KLF7: variants seen among roughly 807,000 people sequenced by gnomAD.
KLF7 encodes the protein KLF transcription factor 7, also known as Krueppel-like factor 7.
In KLF7, 2 loss-of-function variants were observed where a neutral mutation model predicts 27.3. The observed-to-expected ratio is 0.07, with a 90% CI of 0.03 to 0.23. The LOEUF (loss-of-function observed/expected upper bound fraction) is 0.23, where lower values mean the gene tolerates loss of function less well. Among genes scored for constraint, KLF7 ranks in the 10% least tolerant of loss-of-function variants. The pLI, the probability that KLF7 is intolerant of heterozygous loss-of-function variation, is 1.00. For synonymous variants in KLF7, 165 were observed against 162.4 expected, an observed-to-expected ratio of 1.02 and a Z score of -0.12; for missense variants, 221 against 394.1, an observed-to-expected ratio of 0.56 and a Z score of 3.72.
chr2:207,150,103 C>A (rs1401991117), intron 1 of KLF7, among the ~76,000 whole-genome samples: 1 of 152,170 alleles, frequency 6.6e-6, no homozygotes, highest in Non-Finnish European at 1.5e-5. Context: ...CACCCTCCCC[C>A]ACAACCACAC....
At chr2:207,134,013 T>C (rs2077711014) in intron 1 of KLF7, 2 of 1,421,584 alleles carry the variant, frequency 1.4e-6, no homozygotes, top group African/African-American at 1.4e-5. Context: ...CCTGTTAACT[T>C]TGCACACACA....
At position 207,148,480 on chromosome 2, in the gene KLF7, T is replaced by G. The variant is rs576061383; in HGVS notation, c.102+16987A>C. Among the ~76,000 whole-genome samples the G allele has an allele frequency of 4.6e-5, 7 of 152,292 alleles. No individual in the cohort carries two copies. In the East Asian group the frequency reaches 1.2e-3, roughly 25 times the overall value. On this transcript the variant is annotated intron_variant, in intron 1 of 3. Transcript: ENST00000309446. The stretch of plus-strand genomic sequence containing the variant: ...CAAGCTTTTGCTTTGAATGGATGTA[T>G]AAAGACAAAGCTACTCAACCCAAAA...
At chr2:207,110,208 T>C (rs1164867803) in intron 2 of KLF7, 1 of 154,086 alleles carries the variant, frequency 6.5e-6, no homozygotes, top group Non-Finnish European at 1.5e-5. Context: ...AAATAGCACC[T>C]TTCTCCCTAA....
At chr2:207,153,473 C>A (rs2078300380) in intron 1 of KLF7, among the ~76,000 whole-genome samples, 1 of 152,134 alleles carries the variant, frequency 6.6e-6, no homozygotes, top group African/African-American at 2.4e-5. Context: ...GCTGATTTTA[C>A]AGAGAGGTAA....
chr2:207,105,815 A>C (rs1235307141), intron 2 of KLF7, among the ~76,000 whole-genome samples: 1 of 152,124 alleles, frequency 6.6e-6, no homozygotes, highest in African/African-American at 2.4e-5. Flanking sequence ...AAAGGACTTA[A>C]ACAGACCTGC....
At chr2:207,162,206 G>T (rs1349191054) in intron 1 of KLF7, among the ~76,000 whole-genome samples, 1 of 152,130 alleles carries the variant, frequency 6.6e-6, no homozygotes, top group Non-Finnish European at 1.5e-5. Flanking sequence ...GGCAAAAAAA[G>T]TCATGAATGA....
At chr2:207,089,847 C>G (rs16839145) in intron 2 of KLF7, among the ~76,000 whole-genome samples, 1 of 152,034 alleles carries the variant, frequency 6.6e-6, no homozygotes, top group Non-Finnish European at 1.5e-5. Flanking sequence ...CATTAAAAAC[C>G]GCCAAACTCA....
upstream of KLF7, chr2:207,167,249 G>T: frequency 2.0e-6 from 2 of 1,023,462 alleles, no homozygotes; most frequent in Middle Eastern, 2.3e-4. Flanking sequence ...TTACATCTGA[G>T]ATGAAAACCC....
chr2:207,124,024 C>T lies in KLF7; in HGVS notation c.483G>A (p.Thr161=), dbSNP rs930060377. 10 of 1,614,042 alleles carry T rather than the reference C, an allele frequency of 6.2e-6. No individual in the cohort carries two copies. In the East Asian group the frequency reaches 1.3e-4, roughly 22 times the overall value. The change falls in exon 2 of 4, where the codon ACG becomes ACA. Residue 161 remains threonine, a synonymous_variant. Coordinates refer to ENST00000309446, the MANE Select transcript of KLF7 (RefSeq NM_003709.4). The part of the protein sequence containing the change: ...TSQTLSAVDG[T]VTLKLVAKKA... ...TCTTGGCCACCAGTTTCAACGTCAC[C>T]GTGCCATCCACGGCAGAGAGAGTTT...
chr2:207,145,287 T>A (rs1042060505), intron 1 of KLF7, among the ~76,000 whole-genome samples: 7 of 152,198 alleles, frequency 4.6e-5, no homozygotes, highest in African/African-American at 1.2e-4. Context: ...TCTTCACTCA[T>A]TTTTTTCCAA....
chr2:207,171,600 G>A (rs181562401), upstream of KLF7, among the ~76,000 whole-genome samples: 4 of 152,284 alleles, frequency 2.6e-5, no homozygotes, highest in Non-Finnish European at 5.9e-5. Context: ...AACCCACTCT[G>A]ATCAGTCAGC....
intron 1 of KLF7, among the ~76,000 whole-genome samples, chr2:207,152,486 T>A (rs184457524): frequency 3.9e-5 from 6 of 152,322 alleles, no homozygotes; most frequent in Admixed American, 2.6e-4. Flanking sequence ...ATCAGTCAGT[T>A]TCCAAATTGG....
intron 1 of KLF7, 66 bp from the exon 2 acceptor site, chr2:207,124,470 T>C: frequency 6.9e-7 from 1 of 1,451,864 alleles, no homozygotes; most frequent in Middle Eastern, 2.2e-4. Flanking sequence ...AGGCCACACG[T>C]TGACAGGCAG....
rs1196768207 is a variant in KLF7, at chr2:207,079,119, A to G, written c.*2094T>C. On this transcript the variant is annotated 3_prime_UTR_variant, in exon 4 of 4. Transcript: ENST00000309446. ...TTTTGGTCTAAATAGAAAAAAGGAAAAGGAGAAAGTAAATTCTTAGGGCCA... is the reference window on the plus strand; with the variant it reads ...TTTTGGTCTAAATAGAAAAAAGGAAGAGGAGAAAGTAAATTCTTAGGGCCA... 1 of 151,708 alleles carries G rather than the reference A, an allele frequency of 6.6e-6. No individual in the cohort carries two copies. Among genetic ancestry groups the G allele is most frequent in the Non-Finnish European group, 1.5e-5 (1 of 67,940 alleles). 9.4% of individuals were successfully genotyped at this position (151,708 alleles called of 1,614,324 possible).
upstream of KLF7, among the ~76,000 whole-genome samples, chr2:207,168,002 T>C (rs2078755287): frequency 6.6e-6 from 1 of 152,180 alleles, no homozygotes; most frequent in South Asian, 2.1e-4. Context: ...TGCTAGTTTG[T>C]TACAAGGTCT....
intron 2 of KLF7, among the ~76,000 whole-genome samples, chr2:207,108,237 GA>G (rs1559126523): frequency 6.6e-6 from 1 of 152,342 alleles, no homozygotes; most frequent in East Asian, 1.9e-4. Flanking sequence ...CTAACCATGA[GA>G]GGGGGGAGAA....
chr2:207,085,364 C>CTGG (rs1305502856), intron 3 of KLF7, among the ~76,000 whole-genome samples: 18 of 152,002 alleles, frequency 1.2e-4, no homozygotes, highest in Non-Finnish European at 2.4e-4. Context: ...AGCTGTCTCC[C>CTGG]TGGATTATAA....
At chr2:207,140,833 G>A (rs566825199) in intron 1 of KLF7, among the ~76,000 whole-genome samples, 2 of 152,188 alleles carry the variant, frequency 1.3e-5, no homozygotes, top group Non-Finnish European at 2.9e-5. Context: ...TCTGTTAAAA[G>A]CAGGCAATTA....
In KLF7 at chr2:207,081,169, T is replaced by C; in HGVS notation, c.*44A>G. 1.3e-6 allele frequency: 2 copies of C among 1,586,620 alleles called. No homozygotes were observed. The highest frequency in any genetic ancestry group is 1.7e-6 in the Non-Finnish European group (2 of 1,154,958). ...AGCCCCCTGCCTCATGGCGTTTCCT[T>C]TAGACACTAGCCGATGCCATGGCAA... On this transcript the variant is annotated 3_prime_UTR_variant, in exon 4 of 4. Transcript: ENST00000309446.
Sources: allele counts gnomAD v4.1 joint callset (sites outside exome capture counted in the v4.1 genomes callset), GRCh38; gene constraint gnomAD v4.1.1; transcripts MANE v1.5; gene names NCBI Gene and HGNC (gene_info 2026-07-23, HGNC 2026-07-21).